Variants in ZNRF1 observed in about 807,000 individuals in gnomAD.
ZNRF1 encodes zinc and ring finger 1, also known as E3 ubiquitin-protein ligase ZNRF1.
A neutral mutation model predicts 18.4 loss-of-function variants in ZNRF1; 3 were observed. The ratio of observed to expected loss-of-function variants is 0.16; its 90% CI spans 0.07 to 0.42. The LOEUF (loss-of-function observed/expected upper bound fraction) is 0.42. Ranked by LOEUF, ZNRF1 falls within the 10% of genes least tolerant of loss-of-function variation. The probability of loss-of-function intolerance (pLI) is 0.99; values close to 1 mark genes in which losing one functional copy is unlikely to be tolerated. For missense variants in ZNRF1, 310 were observed against 329.8 expected (o/e 0.94, Z 0.47); for synonymous variants, 157 against 144.2 (o/e 1.09, Z -0.64).
At chr16:75,078,444 A>G (rs1027887439) in intron 1 of ZNRF1, among the ~76,000 whole-genome samples, 2 of 151,870 alleles carry the variant, frequency 1.3e-5, no homozygotes. Flanking sequence ...GATTACAAGC[A>G]CACATCACCA....
intron 1 of ZNRF1, among the ~76,000 whole-genome samples, chr16:75,052,970 A>G (rs2035623587): frequency 6.6e-6 from 1 of 152,216 alleles, no homozygotes; most frequent in African/African-American, 2.4e-5. Context: ...ATTTGCTGCC[A>G]CTGGGGACAT....
intron 1 of ZNRF1, among the ~76,000 whole-genome samples, chr16:75,070,105 A>C (rs1033219948): frequency 8.5e-5 from 13 of 152,204 alleles, no homozygotes; most frequent in Non-Finnish European, 1.8e-4. Flanking sequence ...ATGCCAAAAA[A>C]ACTCAGTAAT....
intron 1 of ZNRF1, among the ~76,000 whole-genome samples, chr16:75,013,881 G>A (rs949968650): frequency 6.6e-6 from 1 of 151,472 alleles, no homozygotes; most frequent in Admixed American, 6.6e-5. Flanking sequence ...CCAGGCTAGG[G>A]GGCAGTGGTG....
rs1462680497 is a variant in ZNRF1, at chr16:75,107,816, C to A, written c.*116C>A. 7 of 456,366 alleles carry A rather than the reference C, an allele frequency of 1.5e-5. No homozygotes were observed. The highest frequency in any genetic ancestry group is 3.1e-5 in the Non-Finnish European group (7 of 226,806). The allele number at this position is 456,366 out of a possible 1,614,324, so 28.3% of individuals were successfully genotyped here. A position where few individuals can be genotyped will look rare whatever the true frequency, so the allele number is the denominator to read the frequency against. ...TTGGGACACCAGCGGGAACAGGGCA[C>A]CCCTTCTGCACTGACTTCCAGATCA... is the stretch of plus-strand genomic sequence containing the variant. On this transcript the variant is annotated 3_prime_UTR_variant, in exon 5 of 5. Transcript: ENST00000335325.
At chr16:75,027,450 GT>G (rs1315478250) in intron 1 of ZNRF1, among the ~76,000 whole-genome samples, 3 of 152,042 alleles carry the variant, frequency 2.0e-5, no homozygotes, top group Non-Finnish European at 2.9e-5. Context: ...TTCTTACCTT[GT>G]CAGCCATAAG....
At chr16:75,045,629 A>G (rs2035505538) in intron 1 of ZNRF1, among the ~76,000 whole-genome samples, 1 of 151,750 alleles carries the variant, frequency 6.6e-6, no homozygotes, top group African/African-American at 2.4e-5. Context: ...GCCTCCTGCC[A>G]TGGCCATAGC....
At chr16:75,015,925 T>C (rs2035060245) in intron 1 of ZNRF1, among the ~76,000 whole-genome samples, 1 of 150,520 alleles carries the variant, frequency 6.6e-6, no homozygotes. Context: ...TCTTTTCTTT[T>C]TTTTTTTTTT....
chr16:75,074,820 C>G (rs1379194884), intron 1 of ZNRF1, among the ~76,000 whole-genome samples: 1 of 152,142 alleles, frequency 6.6e-6, no homozygotes, highest in African/African-American at 2.4e-5. Context: ...ATAATCCCAG[C>G]TCTTTAGGAG....
At chr16:75,102,426 T>C (rs2036264800) in intron 2 of ZNRF1, among the ~76,000 whole-genome samples, 2 of 152,178 alleles carry the variant, frequency 1.3e-5, no homozygotes, top group African/African-American at 4.8e-5. Flanking sequence ...CGCACATGTG[T>C]TTGTCATTGG....
At chr16:75,008,448 G>A (rs1002022483) in intron 1 of ZNRF1, among the ~76,000 whole-genome samples, 2 of 152,014 alleles carry the variant, frequency 1.3e-5, no homozygotes, top group African/African-American at 4.8e-5. Flanking sequence ...TGCTACAGAA[G>A]GGCTTCCTGA....
intron 1 of ZNRF1, among the ~76,000 whole-genome samples, chr16:75,026,504 T>C: frequency 6.6e-6 from 1 of 152,182 alleles, no homozygotes; most frequent in East Asian, 1.9e-4. Flanking sequence ...AAAAATTCTG[T>C]AATGATTTGA....
At chr16:75,099,268 C>A (rs2036230758) in intron 2 of ZNRF1, among the ~76,000 whole-genome samples, 1 of 152,180 alleles carries the variant, frequency 6.6e-6, no homozygotes, top group Non-Finnish European at 1.5e-5. Flanking sequence ...CTGCATATAG[C>A]TGGCTTAGAG....
At chr16:75,024,826 C>T (rs572361201) in intron 1 of ZNRF1, among the ~76,000 whole-genome samples, 1 of 152,124 alleles carries the variant, frequency 6.6e-6, no homozygotes, top group African/African-American at 2.4e-5. Context: ...TTCGTGGTCA[C>T]AAAAATAATC....
intron 2 of ZNRF1, among the ~76,000 whole-genome samples, chr16:75,094,741 G>A (rs1484790061): frequency 6.6e-6 from 1 of 152,034 alleles, no homozygotes; most frequent in Non-Finnish European, 1.5e-5. Context: ...CTCAGCCCAC[G>A]CCACTGCTGA....
intron 1 of ZNRF1, among the ~76,000 whole-genome samples, chr16:75,068,672 G>T (rs1484398922): frequency 1.3e-5 from 2 of 151,988 alleles, no homozygotes; most frequent in Admixed American, 6.6e-5. Flanking sequence ...TGCTGCAGTG[G>T]ATGAGCAGGG....
At chr16:75,046,173 G>A (rs2035512918) in intron 1 of ZNRF1, among the ~76,000 whole-genome samples, 1 of 151,680 alleles carries the variant, frequency 6.6e-6, no homozygotes, top group Admixed American at 6.6e-5. Flanking sequence ...CAAAGTGCTG[G>A]TATTATTACA....
chr16:75,091,160 A>G (rs2036133953), intron 1 of ZNRF1, among the ~76,000 whole-genome samples: 1 of 152,076 alleles, frequency 6.6e-6, no homozygotes, highest in South Asian at 2.1e-4. Flanking sequence ...GGCATTTGAG[A>G]CCAGTCTAGC....
chr16:75,011,447 G>A (rs1398382884), intron 1 of ZNRF1, among the ~76,000 whole-genome samples: 3 of 152,094 alleles, frequency 2.0e-5, no homozygotes, highest in Non-Finnish European at 4.4e-5. Context: ...TGCCCAGGCT[G>A]GACATGAACT....
chr16:75,060,419 A>G (rs1005866383), intron 1 of ZNRF1, among the ~76,000 whole-genome samples: 2 of 150,314 alleles, frequency 1.3e-5, no homozygotes, highest in African/African-American at 4.9e-5. Flanking sequence ...TCCTATCTCT[A>G]CATTTGAGCA....
Sources: allele counts gnomAD v4.1 joint callset (sites outside exome capture counted in the v4.1 genomes callset), GRCh38; gene constraint gnomAD v4.1.1; transcripts MANE v1.5; gene names NCBI Gene and HGNC (gene_info 2026-07-23, HGNC 2026-07-21).